Variants in IL1RAPL1 observed in about 807,000 individuals in gnomAD.
The protein encoded by IL1RAPL1 is interleukin-1 receptor accessory protein-like 1.
IL1RAPL1 carries 3 observed loss-of-function variants against 48.4 expected under a neutral mutation model. The ratio of observed to expected loss-of-function variants is 0.06; its 90% CI spans 0.03 to 0.16. The LOEUF is 0.16. Among genes scored for constraint, IL1RAPL1 ranks in the 10% least tolerant of loss-of-function variants. The pLI is 1.00. For missense variants in IL1RAPL1, 349 were observed against 530.6 expected (o/e 0.66, Z 3.36); for synonymous variants, 185 against 187.7 (o/e 0.99, Z 0.12).
chrX:29,097,540 G>A (rs1309442651), intron 2 of IL1RAPL1, among the ~76,000 whole-genome samples: 6 of 111,825 alleles, frequency 5.4e-5, no homozygotes, highest in African/African-American at 1.9e-4. Flanking sequence ...TTTGCCCAAA[G>A]TATCCAAGGA....
At chrX:29,636,186 G>C (rs1425502018) in intron 5 of IL1RAPL1, among the ~76,000 whole-genome samples, 3 of 111,719 alleles carry the variant, frequency 2.7e-5, no homozygotes, top group Non-Finnish European at 5.6e-5. Context: ...AGTTTTCTAA[G>C]TCAACAGGAA....
At chrX:28,839,693 C>T (rs1159586101) in intron 2 of IL1RAPL1, among the ~76,000 whole-genome samples, 1 of 110,421 alleles carries the variant, frequency 9.1e-6, no homozygotes, top group Non-Finnish European at 1.9e-5. Context: ...ATTATCAGTA[C>T]ATATTTTTAA....
Position 29,399,152 on chromosome X carries a change from T to C in IL1RAPL1, c.550-3T>C, listed in dbSNP as rs765727735. The C allele has an allele frequency of 1.7e-6, 2 of 1,195,560 alleles. No individual in the cohort carries two copies. The highest frequency in any genetic ancestry group is 2.3e-6 in the Non-Finnish European group (2 of 880,723). On this transcript the variant is annotated splice_polypyrimidine_tract_variant and splice_region_variant and intron_variant, in intron 4 of 10. Transcript: ENST00000378993. The stretch of plus-strand genomic sequence containing the variant: ...CTACCAAAATTGTATGTTCTTCATA[T>C]AGGAATGCAGGACAAAAACATGGAG...
rs758360610 is a variant in IL1RAPL1 at position 28,990,672 on chromosome X, C to A, written c.82+201247C>A. Among the ~76,000 whole-genome samples, 493 of 111,596 alleles carry A rather than the reference C, an allele frequency of 4.4e-3. 3 individuals are homozygous for A. Among genetic ancestry groups the A allele is most frequent in the African/African-American group, 0.015 (463 of 30,750 alleles). Reference sequence around the variant, plus strand: ...TCTGCCAGTGACCGTCTGTTGAGATCTTTCTATATATAGAGTCAACCAACT... The same window carrying A: ...TCTGCCAGTGACCGTCTGTTGAGATATTTCTATATATAGAGTCAACCAACT... On this transcript the variant is annotated intron_variant, in intron 2 of 10. Transcript: ENST00000378993.
intron 1 of IL1RAPL1, among the ~76,000 whole-genome samples, chrX:28,702,542 A>T (rs1205834828): frequency 1.8e-5 from 2 of 111,753 alleles, no homozygotes; most frequent in Non-Finnish European, 3.8e-5. Context: ...CTTTTCAAGT[A>T]ATCATTTCCA....
At chrX:29,875,210 G>A (rs1259238238) in intron 6 of IL1RAPL1, among the ~76,000 whole-genome samples, 1 of 111,573 alleles carries the variant, frequency 9.0e-6, no homozygotes, top group East Asian at 2.8e-4. Flanking sequence ...ATTTCTGGAA[G>A]TCCATCTATA....
intron 1 of IL1RAPL1, among the ~76,000 whole-genome samples, chrX:28,664,551 A>C (rs752661311): frequency 1.5e-4 from 17 of 111,770 alleles, no homozygotes; most frequent in Non-Finnish European, 3.0e-4. Context: ...AGGTGATCCC[A>C]CAGTGCTGAC....
At chrX:28,892,229 G>T (rs549761970) in intron 2 of IL1RAPL1, among the ~76,000 whole-genome samples, 1 of 109,166 alleles carries the variant, frequency 9.2e-6, no homozygotes, top group South Asian at 4.1e-4. Context: ...TCAGCGAAGG[G>T]AGTTGGGGTG....
At chrX:29,665,725 T>C (rs1925980697) in intron 5 of IL1RAPL1, among the ~76,000 whole-genome samples, 1 of 112,251 alleles carries the variant, frequency 8.9e-6, no homozygotes, top group Non-Finnish European at 1.9e-5. Flanking sequence ...TTCCCTTCAC[T>C]TCTATCAAAG....
intron 2 of IL1RAPL1, among the ~76,000 whole-genome samples, chrX:29,169,323 C>T (rs916639786): frequency 1.8e-5 from 2 of 110,336 alleles, no homozygotes; most frequent in East Asian, 5.6e-4. Context: ...TTAACCTATA[C>T]AGTCACTGCC....
intron 2 of IL1RAPL1, among the ~76,000 whole-genome samples, chrX:29,216,336 C>T (rs143100439): frequency 0.014 from 1,573 of 110,287 alleles, 27 homozygotes; most frequent in African/African-American, 0.049. Context: ...ACTACAGGCA[C>T]GTGCCACCAC....
In IL1RAPL1 at chrX:29,766,342, A is replaced by AAAAAAAAAAT. The variant is rs1200679211; in HGVS notation, c.778+97839_778+97840insAAAAAAAATA. Among the ~76,000 whole-genome samples the AAAAAAAAAAT allele has an allele frequency of 3.2e-4, 15 of 47,540 alleles. 1 individual carries two copies. The highest frequency in any genetic ancestry group is 1.3e-3 in the African/African-American group (14 of 11,057). The allele number at this position is 47,540 out of a possible 115,157, so 41.3% of individuals were successfully genotyped here. Reference sequence around the variant, plus strand: ...GACTCCGTCTCAAAAAAAAAAAAAAAATATATATATATATATATATAGATA... The same window carrying AAAAAAAAAAT: ...GACTCCGTCTCAAAAAAAAAAAAAAAAAAAAAAAATATATATATATATATATATATAGATA... On this transcript the variant is annotated intron_variant, in intron 6 of 10. Coordinates refer to ENST00000378993, the MANE Select transcript of IL1RAPL1 (RefSeq NM_014271.4).
intron 3 of IL1RAPL1, among the ~76,000 whole-genome samples, chrX:29,384,159 G>A (rs1468070574): frequency 8.9e-6 from 1 of 111,956 alleles, no homozygotes; most frequent in Non-Finnish European, 1.9e-5. Flanking sequence ...ATTCCAGATA[G>A]TTCAGTAGAA....
In IL1RAPL1 at chrX:29,190,120, A is replaced by G. The variant is rs182633075; in HGVS notation, c.83-92818A>G. ...TACTACCTTACAGTATCATTGTAGG[A>G]TACGATAATGTATGCAAAGTGTGAT... On this transcript the variant is annotated intron_variant, in intron 2 of 10. Transcript: ENST00000378993. Among the ~76,000 whole-genome samples the G allele has an allele frequency of 3.0e-3, 338 of 111,871 alleles. 2 individuals carry two copies. Among genetic ancestry groups the G allele is most frequent in the African/African-American group, 0.011 (326 of 30,915 alleles).
chrX:29,191,401 A>T (rs1410166188), intron 2 of IL1RAPL1, among the ~76,000 whole-genome samples: 1 of 111,519 alleles, frequency 9.0e-6, no homozygotes, highest in Non-Finnish European at 1.9e-5. Flanking sequence ...AAAAAAGAAA[A>T]GCCCTCCTCT....
chrX:29,297,141 A>G (rs753272365), intron 3 of IL1RAPL1, among the ~76,000 whole-genome samples: 10 of 112,124 alleles, frequency 8.9e-5, no homozygotes, highest in African/African-American at 1.6e-4. Context: ...GTCTGGTCCA[A>G]TGGTTTCAGG....
chrX:29,309,199 A>G (rs1475115810), intron 3 of IL1RAPL1, among the ~76,000 whole-genome samples: 1 of 112,147 alleles, frequency 8.9e-6, no homozygotes, highest in Non-Finnish European at 1.9e-5. Flanking sequence ...AGTTAAGACT[A>G]TTGCAATAGG....
chrX:28,753,031 G>C (rs1372529087), intron 1 of IL1RAPL1, among the ~76,000 whole-genome samples: 2 of 111,864 alleles, frequency 1.8e-5, no homozygotes, highest in African/African-American at 6.5e-5. Context: ...CTATAGGTAG[G>C]CAAACTATGA....
intron 2 of IL1RAPL1, among the ~76,000 whole-genome samples, chrX:29,266,592 A>G (rs1328827297): frequency 2.7e-5 from 3 of 112,001 alleles, no homozygotes; most frequent in Non-Finnish European, 5.6e-5. Context: ...GTATCATTAT[A>G]TACTTGGAAA....
Sources: gnomAD v4.1 joint callset for allele counts (sites outside exome capture counted in the v4.1 genomes callset) on GRCh38, gnomAD v4.1.1 for gene constraint, MANE v1.5 for transcripts, NCBI Gene and HGNC (gene_info 2026-07-23, HGNC 2026-07-21) for gene names.